IKZF2: variants seen among roughly 807,000 people sequenced by gnomAD.
The protein encoded by IKZF2 is zinc finger protein Helios.
In IKZF2, 15 loss-of-function variants were observed where a neutral mutation model predicts 49.2. The ratio of observed to expected loss-of-function variants is 0.30; its 90% CI spans 0.20 to 0.47. The LOEUF (loss-of-function observed/expected upper bound fraction) is 0.47. Ranked by LOEUF, IKZF2 falls within the 20% of genes least tolerant of loss-of-function variation. The pLI is 1.00. For synonymous variants in IKZF2, 227 were observed against 221.4 expected, an observed-to-expected ratio of 1.03 and a Z score of -0.23; for missense variants, 567 against 664.6, an observed-to-expected ratio of 0.85 and a Z score of 1.61.
intron 7 of IKZF2, 149 bp downstream of exon 7, chr2:213,021,844 A>G: frequency 3.6e-6 from 3 of 827,426 alleles, no homozygotes; most frequent in Non-Finnish European, 5.6e-6. Flanking sequence ...CAAAATTTCA[A>G]TACAGATTAT....
chr2:213,124,252 GCACACACA>G (rs66958263), intron 4 of IKZF2, among the ~76,000 whole-genome samples: 3,150 of 136,096 alleles, frequency 0.023, 69 homozygotes, highest in South Asian at 0.053. Context: ...GCGCGCGCGC[GCACACACA>G]CACACACACA....
At chr2:213,094,133 A>G (rs1009560988) in intron 4 of IKZF2, among the ~76,000 whole-genome samples, 1 of 152,154 alleles carries the variant, frequency 6.6e-6, no homozygotes, top group Non-Finnish European at 1.5e-5. Context: ...ATGGATTAAC[A>G]GGTTAAGCAG....
intron 4 of IKZF2, among the ~76,000 whole-genome samples, chr2:213,124,552 C>T (rs938446590): frequency 5.3e-5 from 8 of 152,318 alleles, no homozygotes; most frequent in South Asian, 2.1e-4. Context: ...CAAAACTACA[C>T]GACACACTTG....
intron 5 of IKZF2, among the ~76,000 whole-genome samples, chr2:213,056,014 T>C (rs1701117590): frequency 6.6e-6 from 1 of 152,120 alleles, no homozygotes; most frequent in African/African-American, 2.4e-5. Context: ...TTGAATCTTT[T>C]TTGTTAAGAG....
intron 4 of IKZF2, among the ~76,000 whole-genome samples, chr2:213,129,299 A>T (rs74974424): frequency 0.02 from 3,034 of 148,472 alleles, 112 homozygotes; most frequent in African/African-American, 0.072. Context: ...ATGTCATAGA[A>T]TGCCTGGAGA....
chr2:213,118,373 T>C (rs946412246), intron 4 of IKZF2, among the ~76,000 whole-genome samples: 2 of 152,210 alleles, frequency 1.3e-5, no homozygotes, highest in Admixed American at 6.5e-5. Flanking sequence ...GAACTGCTTA[T>C]CCAGAAGAGA....
intron 6 of IKZF2, 76 bp from the exon 7 acceptor site, chr2:213,022,206 T>C: frequency 7.3e-7 from 1 of 1,363,210 alleles, no homozygotes; most frequent in Non-Finnish European, 9.8e-7. Flanking sequence ...TAACTTTTGA[T>C]AGTCTGGAGG....
intron 4 of IKZF2, among the ~76,000 whole-genome samples, chr2:213,137,849 C>T (rs1326062890): frequency 1.3e-5 from 2 of 152,028 alleles, no homozygotes; most frequent in Non-Finnish European, 2.9e-5. Flanking sequence ...GTTAATTCAA[C>T]TGAAAACACA....
chr2:213,115,811 C>G (rs2059852043), intron 4 of IKZF2, among the ~76,000 whole-genome samples: 1 of 151,742 alleles, frequency 6.6e-6, no homozygotes, highest in East Asian at 1.9e-4. Flanking sequence ...CCAAAAAAGT[C>G]AAAATATTCA....
intron 4 of IKZF2, among the ~76,000 whole-genome samples, chr2:213,118,096 C>T (rs2059934831): frequency 6.6e-6 from 1 of 152,174 alleles, no homozygotes. Flanking sequence ...ATCTCTGTTA[C>T]ATTAATGACT....
At chr2:213,136,102 G>C (rs1185137285) in intron 4 of IKZF2, among the ~76,000 whole-genome samples, 1 of 150,568 alleles carries the variant, frequency 6.6e-6, no homozygotes, top group African/African-American at 2.4e-5. Flanking sequence ...GGGGGCAGTG[G>C]CTTTATGCCT....
intron 4 of IKZF2, among the ~76,000 whole-genome samples, chr2:213,137,685 TATAAG>T (rs1257669413): frequency 6.6e-6 from 1 of 152,130 alleles, no homozygotes; most frequent in Non-Finnish European, 1.5e-5. Flanking sequence ...TTAGAAGACC[TATAAG>T]ATATTTCCAT....
intron 4 of IKZF2, among the ~76,000 whole-genome samples, chr2:213,124,469 G>C (rs1486703287): frequency 6.6e-6 from 1 of 152,206 alleles, no homozygotes; most frequent in African/African-American, 2.4e-5. Context: ...AACAAACCCA[G>C]GTCCTAGGTA....
chr2:213,048,123 C>A (rs1700338949), intron 6 of IKZF2, among the ~76,000 whole-genome samples: 2 of 152,068 alleles, frequency 1.3e-5, no homozygotes, highest in Admixed American at 6.6e-5. Flanking sequence ...GATGCAGTAG[C>A]TGGATGCCCC....
intron 4 of IKZF2, among the ~76,000 whole-genome samples, chr2:213,106,125 G>T (rs1197231266): frequency 1.3e-5 from 2 of 151,998 alleles, no homozygotes; most frequent in African/African-American, 4.8e-5. Context: ...CAGACTTCAT[G>T]ATTAGCTATT....
At chr2:213,026,007 C>T (rs541586051) in intron 6 of IKZF2, among the ~76,000 whole-genome samples, 3 of 152,144 alleles carry the variant, frequency 2.0e-5, no homozygotes, top group South Asian at 2.1e-4. Context: ...TTTCTCTTCC[C>T]GTGTGTAATT....
chr2:213,107,097 G>T (rs954580316), intron 4 of IKZF2, among the ~76,000 whole-genome samples: 2 of 152,090 alleles, frequency 1.3e-5, no homozygotes, highest in Non-Finnish European at 2.9e-5. Flanking sequence ...CAGGTCCATT[G>T]TCTATGATGA....
At chr2:213,038,320 A>G (rs575423493) in intron 6 of IKZF2, among the ~76,000 whole-genome samples, 1 of 152,244 alleles carries the variant, frequency 6.6e-6, no homozygotes, top group East Asian at 1.9e-4. Context: ...CGGCCTCCCA[A>G]AGTGCTGAGA....
At chr2:213,106,503 C>T (rs891797806) in intron 4 of IKZF2, among the ~76,000 whole-genome samples, 3 of 151,754 alleles carry the variant, frequency 2.0e-5, no homozygotes, top group African/African-American at 4.8e-5. Context: ...ATGGTGGTGG[C>T]GCATGTCCCT....
Sources: gnomAD v4.1 joint callset for allele counts (sites outside exome capture counted in the v4.1 genomes callset) on GRCh38, gnomAD v4.1.1 for gene constraint, MANE v1.5 for transcripts, NCBI Gene and HGNC (gene_info 2026-07-23, HGNC 2026-07-21) for gene names.